The following RANBP2 variants were observed in gnomAD, a reference collection of about 807,000 sequenced individuals.
The protein encoded by RANBP2 is RAN binding protein 2.
RANBP2 carries 57 observed loss-of-function variants against 303.6 expected under a neutral mutation model. That is an observed-to-expected ratio of 0.19 (90% confidence interval 0.15 to 0.23). The LOEUF is 0.23. Among genes scored for constraint, RANBP2 ranks in the 10% least tolerant of loss-of-function variants. The pLI, the probability that RANBP2 is intolerant of heterozygous loss-of-function variation, is 1.00. For missense variants in RANBP2, 3,138 were observed against 3,780.8 expected (o/e 0.83, Z 4.46); for synonymous variants, 1,167 against 1,301.5 (o/e 0.90, Z 2.23).
the RANBP2 span, among the ~76,000 whole-genome samples, chr2:109,332,457 T>G: frequency 6.6e-6 from 1 of 152,178 alleles, no homozygotes; most frequent in Non-Finnish European, 1.5e-5. Flanking sequence ...TGGGGCTGAG[T>G]GCAGCAGAAG....
chr2:108,931,246 G>A, the RANBP2 span, among the ~76,000 whole-genome samples: 1 of 152,266 alleles, frequency 6.6e-6, no homozygotes, highest in Non-Finnish European at 1.5e-5. Flanking sequence ...ATGCCTGGGA[G>A]GGAGCCTGAG....
the RANBP2 span, among the ~76,000 whole-genome samples, chr2:109,058,679 G>C: frequency 6.6e-6 from 1 of 152,216 alleles, no homozygotes; most frequent in Non-Finnish European, 1.5e-5. Flanking sequence ...AAGGAGTTGG[G>C]AGCAACCATT....
At chr2:109,359,538 A>G in the RANBP2 span, among the ~76,000 whole-genome samples, 1 of 152,218 alleles carries the variant, frequency 6.6e-6, no homozygotes, top group East Asian at 1.9e-4. Flanking sequence ...ATTTCATGAT[A>G]CCATTTACAT....
At chr2:108,971,715 T>C in the RANBP2 span, among the ~76,000 whole-genome samples, 14 of 151,618 alleles carry the variant, frequency 9.2e-5, no homozygotes, top group Non-Finnish European at 1.6e-4. Flanking sequence ...TAAAGAGGAG[T>C]TGGCATTAGA....
chr2:109,389,458 G>C, the RANBP2 span, among the ~76,000 whole-genome samples: 1 of 152,164 alleles, frequency 6.6e-6, no homozygotes, highest in Admixed American at 6.5e-5. Flanking sequence ...TAGAGAAATG[G>C]TCTGTGAAGC....
chr2:109,367,444 G>T, the RANBP2 span, among the ~76,000 whole-genome samples: 2 of 151,940 alleles, frequency 1.3e-5, no homozygotes, highest in Non-Finnish European at 2.9e-5. Context: ...CTCATGCCTG[G>T]CTAGTTGTTG....
the RANBP2 span, among the ~76,000 whole-genome samples, chr2:108,995,753 G>A: frequency 6.6e-6 from 1 of 152,222 alleles, no homozygotes; most frequent in African/African-American, 2.4e-5. Flanking sequence ...TCATCTGGGA[G>A]GAAGCTGTTC....
the RANBP2 span, among the ~76,000 whole-genome samples, chr2:109,565,499 C>A: frequency 6.6e-6 from 1 of 152,176 alleles, no homozygotes; most frequent in Admixed American, 6.5e-5. Flanking sequence ...ACACTACTTT[C>A]CACATTCACA....
At chr2:109,075,582 A>AC in the RANBP2 span, among the ~76,000 whole-genome samples, 1 of 79,678 alleles carries the variant, frequency 1.3e-5, no homozygotes, top group Admixed American at 1.1e-4. Flanking sequence ...AGACAAACAA[A>AC]AAAAAAAAAA....
chr2:109,634,544 T>C, the RANBP2 span, among the ~76,000 whole-genome samples: 1 of 152,134 alleles, frequency 6.6e-6, no homozygotes, highest in Non-Finnish European at 1.5e-5. Context: ...AAGATATCTT[T>C]CAAACAAATA....
the RANBP2 span, among the ~76,000 whole-genome samples, chr2:109,481,208 G>A: frequency 2.0e-5 from 3 of 152,206 alleles, no homozygotes; most frequent in Non-Finnish European, 4.4e-5. Context: ...CCCTGCAGAC[G>A]TCAGGTTGGG....
At chr2:109,353,185 G>A in the RANBP2 span, among the ~76,000 whole-genome samples, 2 of 152,222 alleles carry the variant, frequency 1.3e-5, no homozygotes, top group Non-Finnish European at 2.9e-5. Context: ...GCTCCCTCAA[G>A]GGCCTGATCC....
the RANBP2 span, among the ~76,000 whole-genome samples, chr2:109,681,740 A>G: frequency 7.9e-5 from 12 of 152,180 alleles, no homozygotes; most frequent in African/African-American, 2.7e-4. Context: ...TGGGAGGGCA[A>G]CTGGCCCCAA....
the RANBP2 span, among the ~76,000 whole-genome samples, chr2:109,093,292 T>C: frequency 2.2e-4 from 34 of 152,024 alleles, no homozygotes; most frequent in Non-Finnish European, 3.8e-4. Flanking sequence ...TGGTTTGTTA[T>C]TTATGTAACT....
At chr2:109,743,119 A>G in the RANBP2 span, among the ~76,000 whole-genome samples, 1 of 147,384 alleles carries the variant, frequency 6.8e-6, no homozygotes, top group African/African-American at 2.6e-5. Flanking sequence ...AAAAATTTAA[A>G]AATTAGCTGA....
the RANBP2 span, among the ~76,000 whole-genome samples, chr2:109,087,201 T>C: frequency 6.6e-6 from 1 of 152,156 alleles, no homozygotes; most frequent in South Asian, 2.1e-4. Flanking sequence ...GACGTGGCCA[T>C]TGCAGGACAT....
the RANBP2 span, among the ~76,000 whole-genome samples, chr2:108,807,961 T>C: frequency 6.6e-6 from 1 of 152,180 alleles, no homozygotes; most frequent in Admixed American, 6.5e-5. Flanking sequence ...CCACATTCCT[T>C]CCTTTCCACA....
At chr2:108,881,011 CT>C in the RANBP2 span, among the ~76,000 whole-genome samples, 1 of 152,160 alleles carries the variant, frequency 6.6e-6, no homozygotes, top group Non-Finnish European at 1.5e-5. Flanking sequence ...TCACGAATGA[CT>C]TTGAGGGGTT....
rs192491974 is a variant in RANBP2 at position 108,772,404 on chromosome 2, G to T, written c.8021-85G>T. 3.8e-3 allele frequency: 3,911 copies of T among 1,022,874 alleles called. 16 individuals are homozygous for T. Among genetic ancestry groups the T allele is most frequent in the South Asian group, 4.8e-3 (362 of 76,038 alleles). The allele number at this position is 1,022,874 out of a possible 1,614,324, so 63.4% of individuals were successfully genotyped here. A position where few individuals can be genotyped will look rare whatever the true frequency, so the allele number is the denominator to read the frequency against. On this transcript the variant is annotated intron_variant, in intron 21 of 28. Coordinates refer to ENST00000283195, the MANE Select transcript of RANBP2 (RefSeq NM_006267.5). ...GCTGCAATTCAGATGTGGAGAGTGA[G>T]AAATGGTGAAGTTGGAGGTAGTCCC...
Sources: allele counts gnomAD v4.1 joint callset (sites outside exome capture counted in the v4.1 genomes callset), GRCh38; gene constraint gnomAD v4.1.1; transcripts MANE v1.5; gene names NCBI Gene and HGNC (gene_info 2026-07-23, HGNC 2026-07-21).